Variants in GATAD2B observed in about 807,000 individuals in gnomAD.
GATAD2B encodes the protein transcriptional repressor p66-beta.
Under a neutral mutation model 64.3 loss-of-function variants are expected in GATAD2B, and 8 were observed. That is an observed-to-expected ratio of 0.12 (90% CI 0.07 to 0.22). The LOEUF (loss-of-function observed/expected upper bound fraction) is 0.22, where lower values mean the gene tolerates loss of function less well. Among genes scored for constraint, GATAD2B ranks in the 10% least tolerant of loss-of-function variants. The pLI is 1.00. For missense variants in GATAD2B, 453 were observed against 752.0 expected (o/e 0.60, Z 4.65); for synonymous variants, 281 against 271.3 (o/e 1.04, Z -0.35).
chr1:153,884,622 C>A (rs970261479), intron 1 of GATAD2B, among the ~76,000 whole-genome samples: 2 of 152,058 alleles, frequency 1.3e-5, no homozygotes, highest in Non-Finnish European at 2.9e-5. Context: ...AACAAAAAAA[C>A]TTCCTCTTGG....
intron 1 of GATAD2B, chr1:153,921,978 A>G (rs1678453919): frequency 6.6e-6 from 1 of 152,176 alleles, no homozygotes; most frequent in Admixed American, 6.5e-5. Context: ...AGGGAAGGGT[A>G]AGTTCCACCG....
intron 1 of GATAD2B, among the ~76,000 whole-genome samples, chr1:153,887,181 A>C (rs1677209182): frequency 6.6e-6 from 1 of 152,206 alleles, no homozygotes; most frequent in African/African-American, 2.4e-5. Flanking sequence ...AGAAAACATC[A>C]GTTCTTTGGA....
chr1:153,827,277 A>G (rs1264944390), intron 2 of GATAD2B, among the ~76,000 whole-genome samples: 1 of 150,338 alleles, frequency 6.7e-6, no homozygotes, highest in Non-Finnish European at 1.5e-5. Context: ...AAAAAAACTC[A>G]TAAAAAACAA....
chr1:153,908,688 G>A (rs1678022339), intron 1 of GATAD2B, among the ~76,000 whole-genome samples: 1 of 146,644 alleles, frequency 6.8e-6, no homozygotes, highest in South Asian at 2.2e-4. Flanking sequence ...GGCTGGTCTT[G>A]AACTCCTGAC....
chr1:153,821,275 T>C (rs1674675817), intron 2 of GATAD2B, among the ~76,000 whole-genome samples: 1 of 152,006 alleles, frequency 6.6e-6, no homozygotes, highest in Non-Finnish European at 1.5e-5. Flanking sequence ...TGAGCCACCA[T>C]GCCCAGCCAG....
chr1:153,842,486 T>A (rs1237331548), intron 1 of GATAD2B, among the ~76,000 whole-genome samples: 1 of 152,228 alleles, frequency 6.6e-6, no homozygotes, highest in Non-Finnish European at 1.5e-5. Context: ...CTCCTTCAGA[T>A]GTTGTTTCCA....
intron 1 of GATAD2B, among the ~76,000 whole-genome samples, chr1:153,855,539 G>C (rs1023284583): frequency 5.7e-4 from 87 of 151,964 alleles, no homozygotes; most frequent in African/African-American, 2.0e-3. Flanking sequence ...AGTTTTCTAT[G>C]GCTGCTATAA....
intron 1 of GATAD2B, among the ~76,000 whole-genome samples, chr1:153,885,599 G>T (rs1677154348): frequency 6.6e-6 from 1 of 151,794 alleles, no homozygotes; most frequent in Non-Finnish European, 1.5e-5. Context: ...TGGGCGCGGT[G>T]GCTCATGCCT....
At chr1:153,916,314 A>C (rs1678264200) in intron 1 of GATAD2B, among the ~76,000 whole-genome samples, 1 of 152,102 alleles carries the variant, frequency 6.6e-6, no homozygotes, top group Non-Finnish European at 1.5e-5. Flanking sequence ...GTAAGACTAT[A>C]AACAGATGTG....
In GATAD2B at chr1:153,810,324, A is replaced by G; in HGVS notation, c.1649-14T>C. On this transcript the variant is annotated splice_polypyrimidine_tract_variant and intron_variant, in intron 10 of 10. Coordinates refer to ENST00000368655, the MANE Select transcript of GATAD2B (RefSeq NM_020699.4). ...CAATGTTGACACCTGGACCCAGGAGACAAAAGTGGAGGGCAGGTATTAAAA... is the reference window on the plus strand; with the variant it reads ...CAATGTTGACACCTGGACCCAGGAGGCAAAAGTGGAGGGCAGGTATTAAAA... 1 of 1,611,078 alleles carries G rather than the reference A, an allele frequency of 6.2e-7. No homozygotes were observed. The highest frequency in any genetic ancestry group is 8.5e-7 in the Non-Finnish European group (1 of 1,178,806).
At chr1:153,868,738 C>T (rs1262272399) in intron 1 of GATAD2B, among the ~76,000 whole-genome samples, 1 of 139,190 alleles carries the variant, frequency 7.2e-6, no homozygotes. Context: ...ATACTATATA[C>T]TTTTTTTTTT....
chr1:153,904,474 A>C (rs1677867864), intron 1 of GATAD2B, among the ~76,000 whole-genome samples: 1 of 152,124 alleles, frequency 6.6e-6, no homozygotes, highest in South Asian at 2.1e-4. Context: ...AAACAAGAAG[A>C]AAGTGCTCCA....
chr1:153,850,302 A>C (rs971924843), intron 1 of GATAD2B, among the ~76,000 whole-genome samples: 2 of 151,954 alleles, frequency 1.3e-5, no homozygotes, highest in Non-Finnish European at 2.9e-5. Context: ...CCCATACTTA[A>C]TTATTTTTCC....
intron 1 of GATAD2B, among the ~76,000 whole-genome samples, chr1:153,894,916 TG>T (rs1296276020): frequency 6.6e-6 from 1 of 151,796 alleles, no homozygotes; most frequent in African/African-American, 2.4e-5. Context: ...CCCAGCACTT[TG>T]GGGGGCCAAG....
At chr1:153,897,115 A>AC (rs1485659497) in intron 1 of GATAD2B, among the ~76,000 whole-genome samples, 2 of 146,742 alleles carry the variant, frequency 1.4e-5, no homozygotes, top group African/African-American at 5.0e-5. Context: ...TGCAGGCTCC[A>AC]CCCCCTGGGG....
chr1:153,839,683 T>A (rs1241513298), intron 1 of GATAD2B, among the ~76,000 whole-genome samples: 1 of 152,126 alleles, frequency 6.6e-6, no homozygotes, highest in Non-Finnish European at 1.5e-5. Context: ...AAAAACTGTT[T>A]TGAAGGCTGG....
At chr1:153,889,025 T>G (rs1281804598) in intron 1 of GATAD2B, among the ~76,000 whole-genome samples, 2 of 152,134 alleles carry the variant, frequency 1.3e-5, no homozygotes, top group African/African-American at 4.8e-5. Context: ...AACCTAAGAC[T>G]AAAATGTAAG....
chr1:153,809,465 C>CT lies in GATAD2B; in HGVS notation c.*711dup, dbSNP rs1674216249. 1 of 152,566 alleles carries CT rather than the reference C, an allele frequency of 6.6e-6. No individual in the cohort carries two copies. Among genetic ancestry groups the CT allele is most frequent in the South Asian group, 2.1e-4 (1 of 4,832 alleles). The allele number at this position is 152,566 out of a possible 1,614,324, so 9.5% of individuals were successfully genotyped here. A position where few individuals can be genotyped will look rare whatever the true frequency, so the allele number is the denominator to read the frequency against. ...TGAGTTTTAAGCTCCTCCCCAGGCT[C>CT]TTTCCCCTCATTCTTAGAGCCCAAC... On this transcript the variant is annotated 3_prime_UTR_variant, in exon 11 of 11. Coordinates refer to ENST00000368655, the MANE Select transcript of GATAD2B (RefSeq NM_020699.4).
intron 1 of GATAD2B, among the ~76,000 whole-genome samples, chr1:153,885,764 G>A (rs1032618297): frequency 3.3e-5 from 5 of 151,308 alleles, no homozygotes; most frequent in Non-Finnish European, 5.9e-5. Context: ...TCAGGAGGCT[G>A]AGGCAGAAGA....
Sources: gnomAD v4.1 joint callset for allele counts (sites outside exome capture counted in the v4.1 genomes callset) on GRCh38, gnomAD v4.1.1 for gene constraint, MANE v1.5 for transcripts, NCBI Gene and HGNC (gene_info 2026-07-23, HGNC 2026-07-21) for gene names.